P3H2: variants seen among roughly 807,000 people sequenced by gnomAD.
P3H2 encodes the protein leprecan-like 1.
P3H2 carries 80 observed loss-of-function variants against 87.0 expected under a neutral mutation model. The observed-to-expected ratio is 0.92, with a 90% CI of 0.77 to 1.11. P3H2 has a LOEUF of 1.11. Among genes scored for constraint, P3H2 ranks in the 50% least tolerant of loss-of-function variants. The pLI is 0.00. For synonymous variants in P3H2, 367 were observed against 359.3 expected, an observed-to-expected ratio of 1.02 and a Z score of -0.24; for missense variants, 1,001 against 923.9, an observed-to-expected ratio of 1.08 and a Z score of -1.08.
chr3:190,010,088 A>G (rs1724538829), intron 1 of P3H2, among the ~76,000 whole-genome samples: 1 of 152,182 alleles, frequency 6.6e-6, no homozygotes, highest in African/African-American at 2.4e-5. Context: ...CATATTCTCA[A>G]AGAGAAGATG....
intron 1 of P3H2, among the ~76,000 whole-genome samples, chr3:190,062,279 T>C (rs1726354163): frequency 6.6e-6 from 1 of 152,108 alleles, no homozygotes; most frequent in Admixed American, 6.6e-5. Flanking sequence ...TCCTTATAAT[T>C]ACCTGTCTTT....
chr3:189,994,755 T>TA (rs1321933999), intron 2 of P3H2, among the ~76,000 whole-genome samples: 12 of 141,916 alleles, frequency 8.5e-5, no homozygotes, highest in Non-Finnish European at 1.8e-4. Context: ...ATGTCAAAAA[T>TA]TAAAAAAAAA....
rs944347200 is a variant in P3H2 at position 189,994,123 on chromosome 3, T to C, written c.794A>G (p.Tyr265Cys). The C allele has an allele frequency of 1.2e-6, 2 of 1,613,560 alleles. No individual in the cohort carries two copies. Among genetic ancestry groups the C allele is most frequent in the Admixed American group, 1.7e-5 (1 of 59,984 alleles). Reference protein sequence around the residue: ...QRFEEYEYLGYKAGLYEAIAD... With the variant: ...QRFEEYEYLGCKAGLYEAIAD... ...AATAGCTTCATACAGACCAGCCTTA[T>C]ACCCTAAATACTCATATTCTTCAAA... is the stretch of plus-strand genomic sequence containing the variant. The change falls in exon 3 of 15, where the codon TAT becomes TGT. Residue 265 changes from tyrosine to cysteine, a missense_variant. Tyr to Cys is a radical substitution (Grantham distance 194). Coordinates refer to ENST00000319332, the MANE Select transcript of P3H2 (RefSeq NM_018192.4).
intron 2 of P3H2, among the ~76,000 whole-genome samples, chr3:189,994,756 TAAAA>T (rs11417825): frequency 7.0e-6 from 1 of 141,938 alleles, no homozygotes; most frequent in South Asian, 2.2e-4. Flanking sequence ...TGTCAAAAAT[TAAAA>T]AAAAAAAAGG....
rs560912215 is a variant in P3H2, at chr3:190,117,324, C to T, written c.480+2928G>A. Among the ~76,000 whole-genome samples the T allele has an allele frequency of 9.8e-5, 15 of 152,290 alleles. No individual in the cohort carries two copies. In the South Asian group the frequency reaches 2.5e-3, roughly 25 times the overall value. On this transcript the variant is annotated intron_variant, in intron 1 of 14. Coordinates refer to ENST00000319332, the MANE Select transcript of P3H2 (RefSeq NM_018192.4). ...ACCAGCACAAATAATCTGCTTTCATCGGAGGCCCACTCAGCAGGATTTGGG... is the reference window on the plus strand; with the variant it reads ...ACCAGCACAAATAATCTGCTTTCATTGGAGGCCCACTCAGCAGGATTTGGG...
intron 1 of P3H2, among the ~76,000 whole-genome samples, chr3:190,095,482 G>T (rs1727546291): frequency 6.7e-6 from 1 of 149,830 alleles, no homozygotes; most frequent in African/African-American, 2.4e-5. Context: ...TTTACAAGGA[G>T]AATTTAATTT....
chr3:189,974,256 G>A lies in P3H2; in HGVS notation c.1453-252C>T, dbSNP rs150759352. 4.4e-5 allele frequency: 26 copies of A among 590,194 alleles called. No individual in the cohort carries two copies. In the African/African-American group the frequency reaches 4.6e-4, roughly 11 times the overall value. 36.6% of individuals were successfully genotyped at this position (590,194 alleles called of 1,614,324 possible). On this transcript the variant is annotated intron_variant, in intron 9 of 14. Transcript: ENST00000319332. ...AAAGAATGTAAATTATTGATATATT[G>A]CCTAATAATTAATTAAAATAAAAGG...
intron 1 of P3H2, among the ~76,000 whole-genome samples, chr3:190,046,040 G>A (rs930854772): frequency 5.3e-5 from 8 of 151,650 alleles, no homozygotes; most frequent in South Asian, 2.1e-4. Context: ...GGAGAATGGC[G>A]TGAACCCGGG....
At chr3:190,038,296 T>C in intron 1 of P3H2, among the ~76,000 whole-genome samples, 1 of 150,402 alleles carries the variant, frequency 6.6e-6, no homozygotes, top group Non-Finnish European at 1.5e-5. Context: ...GCAAGCTTCC[T>C]GGAGACTATG....
chr3:189,973,511 C>CTTTCTTTTTTTT (rs1723245878), intron 10 of P3H2, among the ~76,000 whole-genome samples: 3 of 35,462 alleles, frequency 8.5e-5, no homozygotes, highest in African/African-American at 2.9e-4. Flanking sequence ...TTCTTTCTTT[C>CTTTCTTTTTTTT]TTTTTTTTTT....
intron 14 of P3H2, among the ~76,000 whole-genome samples, chr3:189,963,036 C>G (rs1199952918): frequency 6.6e-6 from 1 of 152,186 alleles, no homozygotes; most frequent in Non-Finnish European, 1.5e-5. Flanking sequence ...TGGAGCCATC[C>G]AATCAGTGCT....
chr3:189,974,335 G>T, intron 9 of P3H2: 1 of 641,908 alleles, frequency 1.6e-6, no homozygotes, highest in Non-Finnish European at 2.7e-6. Flanking sequence ...TGGCTGTTGG[G>T]CTAGGAAATA....
At chr3:190,095,233 A>C (rs1727531746) in intron 1 of P3H2, among the ~76,000 whole-genome samples, 1 of 146,266 alleles carries the variant, frequency 6.8e-6, no homozygotes, top group South Asian at 2.2e-4. Flanking sequence ...TAAATATCTA[A>C]CCCAAATTTA....
chr3:190,112,870 C>A (rs1712127248), intron 1 of P3H2, among the ~76,000 whole-genome samples: 1 of 149,778 alleles, frequency 6.7e-6, no homozygotes, highest in Non-Finnish European at 1.5e-5. Context: ...GAAAATCAGA[C>A]AGCAGGAAAG....
intron 1 of P3H2, among the ~76,000 whole-genome samples, chr3:190,010,684 G>T (rs1025177970): frequency 2.6e-5 from 4 of 152,178 alleles, no homozygotes; most frequent in Non-Finnish European, 5.9e-5. Context: ...GAAGGTAAAT[G>T]TCTGCTGTTT....
intron 14 of P3H2, among the ~76,000 whole-genome samples, chr3:189,960,366 A>AGCAGG (rs1409705547): frequency 6.6e-6 from 1 of 152,166 alleles, no homozygotes; most frequent in Admixed American, 6.5e-5. Context: ...GCTCCAGAAG[A>AGCAGG]GCAGGGCATC....
intron 1 of P3H2, among the ~76,000 whole-genome samples, chr3:190,100,049 C>G (rs1711560078): frequency 1.3e-5 from 2 of 152,236 alleles, no homozygotes; most frequent in East Asian, 3.9e-4. Flanking sequence ...GCCGGCCCAA[C>G]ATGGTGAAAT....
At chr3:190,004,003 A>G (rs1243141212) in intron 1 of P3H2, among the ~76,000 whole-genome samples, 1 of 152,264 alleles carries the variant, frequency 6.6e-6, no homozygotes, top group Non-Finnish European at 1.5e-5. Context: ...GGTAGTAGTC[A>G]TTACTTTAAC....
chr3:190,105,009 T>C (rs1711775217), intron 1 of P3H2, among the ~76,000 whole-genome samples: 1 of 152,226 alleles, frequency 6.6e-6, no homozygotes, highest in African/African-American at 2.4e-5. Context: ...TAGAAAACTG[T>C]ATGCCTTTTT....
Sources: allele counts gnomAD v4.1 joint callset (sites outside exome capture counted in the v4.1 genomes callset), GRCh38; gene constraint gnomAD v4.1.1; transcripts MANE v1.5; gene names NCBI Gene and HGNC (gene_info 2026-07-23, HGNC 2026-07-21).